TRAFD1: variants seen among roughly 807,000 people sequenced by gnomAD.
TRAFD1 encodes the protein TRAF-type zinc finger domain containing 1.
In TRAFD1, 38 loss-of-function variants were observed where a neutral mutation model predicts 65.3. The observed-to-expected ratio is 0.58, with a 90% CI of 0.45 to 0.76. The LOEUF (loss-of-function observed/expected upper bound fraction) is 0.76. Ranked by LOEUF, TRAFD1 falls within the 30% of genes least tolerant of loss-of-function variation. TRAFD1 has a pLI of 0.00. For missense variants in TRAFD1, 631 were observed against 712.6 expected (o/e 0.89, Z 1.30); for synonymous variants, 223 against 257.2 (o/e 0.87, Z 1.27).
Position 112,152,243 on chromosome 12 carries a change from G to A in TRAFD1, c.1619+103G>A. The A allele has an allele frequency of 7.0e-7, 1 of 1,426,744 alleles. No homozygotes were observed. The highest frequency in any genetic ancestry group is 1.3e-5 in the South Asian group (1 of 76,354). The allele number at this position is 1,426,744 out of a possible 1,614,324, so 88.4% of individuals were successfully genotyped here. A position where few individuals can be genotyped will look rare whatever the true frequency, so the allele number is the denominator to read the frequency against. Reference sequence around the variant, plus strand: ...GGCCTGGGGTAAGACTGAGGTACTTGCATGGTAAGGGGAGGAGTATGGATT... The same window carrying A: ...GGCCTGGGGTAAGACTGAGGTACTTACATGGTAAGGGGAGGAGTATGGATT... On this transcript the variant is annotated intron_variant, in intron 10 of 11. Transcript: ENST00000412615. The surrounding 1 kb of genome is among the most constrained non-coding windows in gnomAD (Gnocchi z 5.0).
chr12:112,144,652 G>A (rs2030189435), intron 6 of TRAFD1, among the ~76,000 whole-genome samples: 2 of 152,130 alleles, frequency 1.3e-5, no homozygotes, highest in Non-Finnish European at 2.9e-5. Context: ...AGGCTGAGAC[G>A]GGAGGTTCAT....
At chr12:112,142,050 C>T in intron 5 of TRAFD1, 39 bp from the exon 6 acceptor site, 1 of 1,599,408 alleles carries the variant, frequency 6.3e-7, no homozygotes, top group South Asian at 1.1e-5. Flanking sequence ...GGTAACATTT[C>T]TAATGTATCC....
intron 2 of TRAFD1, among the ~76,000 whole-genome samples, chr12:112,132,400 G>T (rs2079571033): frequency 2.0e-5 from 3 of 152,058 alleles, no homozygotes; most frequent in Admixed American, 1.3e-4. Flanking sequence ...CTGTTTTTAG[G>T]CAGTTTATAC....
At position 112,142,291 on chromosome 12, in the gene TRAFD1, A is replaced by T; in HGVS notation, c.846A>T (p.Ile282=). The T allele has an allele frequency of 6.2e-7, 1 of 1,613,186 alleles. No individual in the cohort carries two copies. Among genetic ancestry groups the T allele is most frequent in the Non-Finnish European group, 8.5e-7 (1 of 1,179,228 alleles). ...GCGGTCCCAGGTCTCTCAGTGACAT[A>T]AAGGGTAGGCTTGCTTATTCTGCAC... is the stretch of plus-strand genomic sequence containing the variant. ...SHGGPRSLSD[I]KGAADEIMLP... is the part of the protein sequence containing the mutation. Residue 282 remains isoleucine (I), a synonymous_variant, in exon 6 of 12, where the codon ATA becomes ATT. Transcript: ENST00000412615.
At position 112,130,824 on chromosome 12, in the gene TRAFD1, T is replaced by C. The variant is rs894607529; in HGVS notation, c.47+255T>C. Among the ~76,000 whole-genome samples, 1 of 152,216 alleles carries C rather than the reference T, an allele frequency of 6.6e-6. No individual in the cohort carries two copies. The highest frequency in any genetic ancestry group is 1.5e-5 in the Non-Finnish European group (1 of 68,028). Reference sequence around the variant, plus strand: ...AACTTATCTTGGTATCTTGGTGCTATACAAGTGCTGTTACTGTAAGCTGAC... The same window carrying C: ...AACTTATCTTGGTATCTTGGTGCTACACAAGTGCTGTTACTGTAAGCTGAC... On this transcript the variant is annotated intron_variant, in intron 2 of 11. Coordinates refer to ENST00000412615, the MANE Select transcript of TRAFD1 (RefSeq NM_006700.3). The surrounding 1 kb of genome is among the most constrained non-coding windows in gnomAD (Gnocchi z 4.4).
intron 9 of TRAFD1, 97 bp downstream of exon 9, chr12:112,149,968 T>C: frequency 1.3e-6 from 2 of 1,516,964 alleles, no homozygotes; most frequent in Non-Finnish European, 1.8e-6. Flanking sequence ...GGGGATTACC[T>C]GCATCTCAAA....
chr12:112,135,096 C>T (rs763779708), intron 4 of TRAFD1, 30 bp downstream of exon 4: 7 of 1,613,630 alleles, frequency 4.3e-6, no homozygotes, highest in Middle Eastern at 1.6e-4. Context: ...TACCGTGGGC[C>T]CAGTCCTGCT....
At chr12:112,150,182 C>A (rs2030362367) in intron 9 of TRAFD1, among the ~76,000 whole-genome samples, 1 of 152,134 alleles carries the variant, frequency 6.6e-6, no homozygotes, top group Non-Finnish European at 1.5e-5. Context: ...ATTTGCAGAC[C>A]TTATGGTAGC....
chr12:112,146,568 C>T (rs557717442), intron 7 of TRAFD1, among the ~76,000 whole-genome samples: 1 of 152,356 alleles, frequency 6.6e-6, no homozygotes, highest in East Asian at 1.9e-4. Context: ...AGGGTGTTTT[C>T]TGCACATTAC....
At chr12:112,135,173 C>A in intron 4 of TRAFD1, 107 bp downstream of exon 4, 1 of 1,272,570 alleles carries the variant, frequency 7.9e-7, no homozygotes, top group Non-Finnish European at 1.1e-6. Flanking sequence ...CGTGAGCTCA[C>A]ATGCATACTG....
In TRAFD1 at chr12:112,134,507, C is replaced by T. The variant is rs543297506; in HGVS notation, c.48-231C>T. On this transcript the variant is annotated intron_variant, in intron 2 of 11. Transcript: ENST00000412615. Reference sequence around the variant, plus strand: ...CTGACCTCAGGTGATCCGCCTGCCTCGGCTTCCCAAAGTGCTGAGATTACA... The same window carrying T: ...CTGACCTCAGGTGATCCGCCTGCCTTGGCTTCCCAAAGTGCTGAGATTACA... Among the ~76,000 whole-genome samples the T allele has an allele frequency of 2.8e-4, 42 of 152,176 alleles. No individual in the cohort carries two copies. In the South Asian group the frequency reaches 5.2e-3, roughly 19 times the overall value.
At chr12:112,140,731 A>G in intron 4 of TRAFD1, 88 bp from the exon 5 acceptor site, 8 of 1,457,550 alleles carry the variant, frequency 5.5e-6, no homozygotes, top group Non-Finnish European at 7.5e-6. Flanking sequence ...AGAAGATTGC[A>G]GTAGATACTC....
chr12:112,130,491 TCTTC>T lies in TRAFD1; in HGVS notation c.-12-16_-12-13del, dbSNP rs1454665411. The T allele has an allele frequency of 6.2e-7, 1 of 1,603,216 alleles. No homozygotes were observed. Among genetic ancestry groups the T allele is most frequent in the Non-Finnish European group, 8.5e-7 (1 of 1,172,252 alleles). On this transcript the variant is annotated splice_polypyrimidine_tract_variant and intron_variant, in intron 1 of 11. Transcript: ENST00000412615. This position sits in a 1 kb window ranked among gnomAD's most constrained non-coding sequence, Gnocchi z 4.4. Reference sequence around the variant, plus strand: ...GCAGAAATGAAAGAGAAAGTTCATGTCTTCCTTTGTGGTTTTCAGGAAGAGCTAA... The same window carrying T: ...GCAGAAATGAAAGAGAAAGTTCATGTCTTTGTGGTTTTCAGGAAGAGCTAA...
rs569442358 is a variant in TRAFD1, at chr12:112,137,096, G to A, written c.237+2030G>A. Among the ~76,000 whole-genome samples the A allele has an allele frequency of 2.0e-5, 3 of 152,218 alleles. No homozygotes were observed. The highest frequency in any genetic ancestry group is 6.5e-5 in the Admixed American group (1 of 15,286). On this transcript the variant is annotated intron_variant, in intron 4 of 11. Coordinates refer to ENST00000412615, the MANE Select transcript of TRAFD1 (RefSeq NM_006700.3). The surrounding 1 kb of genome is among the most constrained non-coding windows in gnomAD (Gnocchi z 4.2). ...AAATTAGCTGGGCGTGGATACGCACGTCTGAAATCCCAGCTACTCAGAAGG... is the reference window on the plus strand; with the variant it reads ...AAATTAGCTGGGCGTGGATACGCACATCTGAAATCCCAGCTACTCAGAAGG...
At position 112,151,976 on chromosome 12, in the gene TRAFD1, G is replaced by A. The variant is rs2030422091; in HGVS notation, c.1455G>A (p.Lys485=). ...AGCCCAGCTCTCCTTGTGTGCCGAA[G>A]CTCAGCAACTCAGACAGCCAGGACA... ...GCQPSSPCVP[K]LSNSDSQDIQ... Residue 485 remains lysine (K), a synonymous_variant, in exon 10 of 12, where the codon AAG becomes AAA. Coordinates refer to ENST00000412615, the MANE Select transcript of TRAFD1 (RefSeq NM_006700.3). The A allele has an allele frequency of 6.2e-7, 1 of 1,614,124 alleles. No individual in the cohort carries two copies. The highest frequency in any genetic ancestry group is 8.5e-7 in the Non-Finnish European group (1 of 1,180,064).
chr12:112,141,320 A>AACCC, intron 5 of TRAFD1, 96 bp downstream of exon 5: 1 of 1,413,498 alleles, frequency 7.1e-7, no homozygotes, highest in Non-Finnish European at 9.6e-7. Context: ...TGATTATAGA[A>AACCC]ACCCGACTGT....
chr12:112,138,092 A>G (rs1183535753), intron 4 of TRAFD1, among the ~76,000 whole-genome samples: 1 of 152,050 alleles, frequency 6.6e-6, no homozygotes, highest in Non-Finnish European at 1.5e-5. Flanking sequence ...AAACTAAAAA[A>G]TTAGCTGGGA....
intron 1 of TRAFD1, among the ~76,000 whole-genome samples, chr12:112,127,433 T>A (rs1407691606): frequency 6.6e-6 from 1 of 152,210 alleles, no homozygotes. Flanking sequence ...AAAGTATTTT[T>A]AGTGCCAGGG....
At chr12:112,142,327 C>T in intron 6 of TRAFD1, 32 bp downstream of exon 6, 1 of 1,585,304 alleles carries the variant, frequency 6.3e-7, no homozygotes, top group South Asian at 1.1e-5. Context: ...TAGCCTCTTT[C>T]TCTACAGTTT....
Sources: allele counts gnomAD v4.1 joint callset (sites outside exome capture counted in the v4.1 genomes callset), GRCh38; gene constraint gnomAD v4.1.1; non-coding constraint Gnocchi (gnomAD v3.1); transcripts MANE v1.5; gene names NCBI Gene and HGNC (gene_info 2026-07-23, HGNC 2026-07-21).